TACR1: variants seen among roughly 807,000 people sequenced by gnomAD.
TACR1 encodes substance-P receptor.
In TACR1, 25 loss-of-function variants were observed where a neutral mutation model predicts 35.8. That is an observed-to-expected ratio of 0.70 (90% confidence interval 0.51 to 0.98). The LOEUF is 0.98. TACR1 is among the 50% of genes least tolerant of loss of function. The pLI, the probability that TACR1 is intolerant of heterozygous loss-of-function variation, is 0.00. For missense variants in TACR1, 478 were observed against 522.9 expected, an observed-to-expected ratio of 0.91 and a Z score of 0.84; for synonymous variants, 195 against 206.7, an observed-to-expected ratio of 0.94 and a Z score of 0.48.
At chr2:75,179,469 A>T (rs1675508041) in intron 1 of TACR1, among the ~76,000 whole-genome samples, 1 of 152,182 alleles carries the variant, frequency 6.6e-6, no homozygotes, top group African/African-American at 2.4e-5. Context: ...TGTAGATAAG[A>T]TCATGTCCCT....
At chr2:75,177,824 A>G (rs114825132) in intron 1 of TACR1, among the ~76,000 whole-genome samples, 296 of 152,312 alleles carry the variant, frequency 1.9e-3, no homozygotes, top group African/African-American at 6.9e-3. Flanking sequence ...CACAAATCTC[A>G]AGGCATGCTT....
At chr2:75,058,733 G>A (rs1672617689) in intron 2 of TACR1, among the ~76,000 whole-genome samples, 1 of 152,194 alleles carries the variant, frequency 6.6e-6, no homozygotes, top group Admixed American at 6.5e-5. Context: ...CATTTTACAG[G>A]ATAAGCTTGC....
chr2:75,149,777 T>A (rs1252206885), intron 1 of TACR1, among the ~76,000 whole-genome samples: 1 of 152,200 alleles, frequency 6.6e-6, no homozygotes, highest in Non-Finnish European at 1.5e-5. Context: ...CAATACTATG[T>A]TGAATAGGAG....
chr2:75,049,570 C>T lies in TACR1; in HGVS notation c.1086G>A (p.Val362=). Residue 362 remains valine, a synonymous_variant, in exon 5 of 5, where the codon GTG becomes GTA. Transcript: ENST00000305249. ...SRLETTISTV[V]GAHEEEPEDG... is the part of the protein sequence containing the mutation. ...CCTCTGGCTCCTCCTCGTGGGCCCC[C>T]ACCACTGTGGAGATGGTGGTCTCCA... 1 of 1,614,186 alleles carries T rather than the reference C, an allele frequency of 6.2e-7. No individual in the cohort carries two copies. The highest frequency in any genetic ancestry group is 8.5e-7 in the Non-Finnish European group (1 of 1,179,998).
chr2:75,137,585 T>A (rs548396714), intron 1 of TACR1, among the ~76,000 whole-genome samples: 1 of 151,230 alleles, frequency 6.6e-6, no homozygotes, highest in Admixed American at 6.6e-5. Context: ...CAAACTTAGC[T>A]GGGCGTGGTG....
intron 2 of TACR1, among the ~76,000 whole-genome samples, chr2:75,111,112 A>C (rs534274504): frequency 6.6e-6 from 1 of 152,090 alleles, no homozygotes; most frequent in East Asian, 1.9e-4. Flanking sequence ...CATATATTAT[A>C]ATCTTTTTCT....
intron 1 of TACR1, among the ~76,000 whole-genome samples, chr2:75,153,042 C>T (rs1324614551): frequency 6.6e-6 from 1 of 152,168 alleles, no homozygotes; most frequent in Non-Finnish European, 1.5e-5. Flanking sequence ...AGTGGGACTA[C>T]AGGCGTGCAC....
intron 1 of TACR1, among the ~76,000 whole-genome samples, chr2:75,133,474 C>T (rs1572948819): frequency 1.3e-5 from 2 of 152,248 alleles, no homozygotes; most frequent in African/African-American, 2.4e-5. Context: ...ACTTTCTTTG[C>T]GTTAATTCAT....
At chr2:75,081,511 C>A (rs1281775403) in intron 2 of TACR1, among the ~76,000 whole-genome samples, 1 of 152,100 alleles carries the variant, frequency 6.6e-6, no homozygotes, top group Non-Finnish European at 1.5e-5. Context: ...GCTCTTTTTG[C>A]CTTAGGGGTA....
intron 2 of TACR1, among the ~76,000 whole-genome samples, chr2:75,081,625 C>T (rs1030158768): frequency 7.2e-5 from 11 of 152,084 alleles, no homozygotes; most frequent in Non-Finnish European, 1.5e-5. Flanking sequence ...AGAAAGTGGG[C>T]CAGGATGAGA....
intron 2 of TACR1, among the ~76,000 whole-genome samples, chr2:75,073,750 C>G (rs1221407778): frequency 6.6e-6 from 1 of 152,214 alleles, no homozygotes; most frequent in African/African-American, 2.4e-5. Context: ...GGGAAACTCA[C>G]TCACTCTTCT....
chr2:75,183,080 A>G (rs575649510), intron 1 of TACR1, among the ~76,000 whole-genome samples: 1 of 152,328 alleles, frequency 6.6e-6, no homozygotes, highest in South Asian at 2.1e-4. Flanking sequence ...CTCTATAAAT[A>G]TTTAGATCTA....
At chr2:75,182,985 AT>A (rs1553384546) in intron 1 of TACR1, among the ~76,000 whole-genome samples, 1 of 152,146 alleles carries the variant, frequency 6.6e-6, no homozygotes, top group Non-Finnish European at 1.5e-5. Context: ...ATTTCTCCCA[AT>A]TGACTGTAAG....
chr2:75,193,986 A>G (rs1675908702), intron 1 of TACR1, among the ~76,000 whole-genome samples: 1 of 152,230 alleles, frequency 6.6e-6, no homozygotes, highest in African/African-American at 2.4e-5. Flanking sequence ...TTTCTGTCTC[A>G]TGATCCTCAC....
At chr2:75,064,673 C>A (rs1672731925) in intron 2 of TACR1, among the ~76,000 whole-genome samples, 1 of 152,210 alleles carries the variant, frequency 6.6e-6, no homozygotes, top group African/African-American at 2.4e-5. Flanking sequence ...CTGCTCAATG[C>A]ATTGTAAAGA....
At chr2:75,146,414 T>C (rs145431427) in intron 1 of TACR1, among the ~76,000 whole-genome samples, 1 of 152,322 alleles carries the variant, frequency 6.6e-6, no homozygotes, top group East Asian at 1.9e-4. Flanking sequence ...TGAGTCACCA[T>C]GCCCGGCCAG....
intron 2 of TACR1, among the ~76,000 whole-genome samples, chr2:75,089,660 C>A (rs1371238704): frequency 6.6e-6 from 1 of 152,094 alleles, no homozygotes. Flanking sequence ...GATGTTTGGC[C>A]ATGTGGACAC....
chr2:75,176,244 AT>A (rs940527164), intron 1 of TACR1, among the ~76,000 whole-genome samples: 17 of 151,202 alleles, frequency 1.1e-4, no homozygotes, highest in African/African-American at 3.4e-4. Context: ...CATTATATTG[AT>A]TTTTTTCCTT....
chr2:75,061,369 G>T (rs76915846), intron 2 of TACR1, among the ~76,000 whole-genome samples: 1 of 152,070 alleles, frequency 6.6e-6, no homozygotes, highest in African/African-American at 2.4e-5. Flanking sequence ...CAGGTGAGTC[G>T]AGTGGGAAGT....
Sources: allele counts gnomAD v4.1 joint callset (sites outside exome capture counted in the v4.1 genomes callset), GRCh38; gene constraint gnomAD v4.1.1; transcripts MANE v1.5; gene names NCBI Gene and HGNC (gene_info 2026-07-23, HGNC 2026-07-21).